Variants in FIG4 observed in about 807,000 individuals in gnomAD.
FIG4 encodes the protein polyphosphoinositide phosphatase.
FIG4 carries 112 observed loss-of-function variants against 118.6 expected under a neutral mutation model. The observed-to-expected ratio is 0.94, with a 90% CI of 0.81 to 1.11. FIG4 has a LOEUF of 1.11. Among genes scored for constraint, FIG4 ranks in the 50% least tolerant of loss-of-function variants. FIG4 has a pLI of 0.00. For synonymous variants in FIG4, 369 were observed against 381.2 expected (o/e 0.97, Z 0.37); for missense variants, 969 against 1,111.7 (o/e 0.87, Z 1.83).
In FIG4 at chr6:109,738,421, T is replaced by C; in HGVS notation, c.743T>C (p.Leu248Ser). ...IKSTVHRDWL[L>S]YIIHGFCGQS... Reference sequence around the variant, plus strand: ...AGTACTGTGCATCGTGACTGGCTTTTGTATATTATTCATGGGTTCTGTGGG... The same window carrying C: ...AGTACTGTGCATCGTGACTGGCTTTCGTATATTATTCATGGGTTCTGTGGG... Residue 248 changes from leucine (L) to serine (S), a missense_variant, in exon 7 of 23, where the codon TTG becomes TCG. Transcript: ENST00000230124. The C allele has an allele frequency of 5.0e-6, 8 of 1,612,956 alleles. No individual in the cohort carries two copies. The highest frequency in any genetic ancestry group is 6.8e-6 in the Non-Finnish European group (8 of 1,179,166).
intron 1 of FIG4, among the ~76,000 whole-genome samples, chr6:109,712,176 C>G (rs911492754): frequency 6.6e-6 from 1 of 152,180 alleles, no homozygotes; most frequent in Non-Finnish European, 1.5e-5. Flanking sequence ...TTCTCTCTAG[C>G]TGCCTTTAAC....
intron 16 of FIG4, among the ~76,000 whole-genome samples, chr6:109,778,879 G>A (rs6568608): frequency 0.18 from 27,956 of 152,164 alleles, 3,523 homozygotes; most frequent in Non-Finnish European, 0.29. Context: ...GATTACAGGC[G>A]TGAGCCACCG....
chr6:109,756,774 C>G (rs1444745880), intron 10 of FIG4, among the ~76,000 whole-genome samples: 1 of 152,212 alleles, frequency 6.6e-6, no homozygotes, highest in Admixed American at 6.5e-5. Context: ...CAAGACTTGG[C>G]TTTCAGCTCC....
At chr6:109,749,137 A>C (rs1265661674) in intron 10 of FIG4, among the ~76,000 whole-genome samples, 1 of 151,372 alleles carries the variant, frequency 6.6e-6, no homozygotes, top group African/African-American at 2.4e-5. Flanking sequence ...ATATGTCCCC[A>C]AACTGGCAGT....
chr6:109,799,492 T>C (rs1049257807), intron 22 of FIG4, among the ~76,000 whole-genome samples: 6 of 152,248 alleles, frequency 3.9e-5, no homozygotes, highest in Non-Finnish European at 8.8e-5. Context: ...AAATTACATT[T>C]ATTTGGGATT....
intron 1 of FIG4, among the ~76,000 whole-genome samples, chr6:109,703,989 C>T (rs756179156): frequency 6.6e-6 from 1 of 152,138 alleles, no homozygotes; most frequent in African/African-American, 2.4e-5. Context: ...GTAGGTTTAA[C>T]CCAGTCCCAT....
intron 1 of FIG4, among the ~76,000 whole-genome samples, chr6:109,707,200 C>G (rs1775095640): frequency 6.6e-6 from 1 of 151,686 alleles, no homozygotes; most frequent in African/African-American, 2.4e-5. Flanking sequence ...TCAGGCTAAC[C>G]CATCATTTTT....
intron 1 of FIG4, among the ~76,000 whole-genome samples, chr6:109,699,494 GTTTGTTTTTTT>G (rs992631254): frequency 8.4e-5 from 12 of 143,516 alleles, no homozygotes; most frequent in African/African-American, 1.3e-4. Flanking sequence ...GTTTTTTTTT[GTTTGTTTTTTT>G]TTTGTTTTTT....
chr6:109,716,411 C>T (rs367607985), intron 2 of FIG4, 34 bp from the exon 3 acceptor site: 63 of 1,610,142 alleles, frequency 3.9e-5, no homozygotes, highest in Non-Finnish European at 5.1e-5. Flanking sequence ...AAAGTTTAAG[C>T]ACAACCTTAC....
At chr6:109,759,355 G>A (rs960665610) in intron 10 of FIG4, among the ~76,000 whole-genome samples, 17 of 151,926 alleles carry the variant, frequency 1.1e-4, no homozygotes, top group African/African-American at 3.6e-4. Context: ...ACCATGGCAT[G>A]TGTATACCTA....
rs200691981 is a variant in FIG4 at position 109,791,455 on chromosome 6, G to C, written c.2260G>C (p.Val754Leu). 1.2e-6 allele frequency: 2 copies of C among 1,613,946 alleles called. No individual in the cohort carries two copies. Among genetic ancestry groups the C allele is most frequent in the African/African-American group, 1.3e-5 (1 of 75,074 alleles). The change falls in exon 20 of 23, where the codon GTG (valine) becomes CTG (leucine). Residue 754 changes from valine to leucine, a missense_variant. Coordinates refer to ENST00000230124, the MANE Select transcript of FIG4 (RefSeq NM_014845.6). ...SAPPPPSEEA[V>L]SSSSEDDSGT... ...CCCGCCGCCCCCCAGCGAGGAGGCT[G>C]TGTCCAGCAGCTCTGAGGATGACTC...
intron 1 of FIG4, among the ~76,000 whole-genome samples, chr6:109,699,464 AT>A (rs1242263712): frequency 1.6e-5 from 2 of 124,830 alleles, no homozygotes; most frequent in Non-Finnish European, 1.7e-5. Flanking sequence ...TCCTAGGCTT[AT>A]TTTTTTTCCT....
intron 10 of FIG4, among the ~76,000 whole-genome samples, chr6:109,752,035 G>A (rs1000098762): frequency 8.0e-6 from 1 of 124,396 alleles, no homozygotes; most frequent in Non-Finnish European, 1.6e-5. Context: ...TCCCCTTCCT[G>A]TGTCCATGTG....
intron 22 of FIG4, among the ~76,000 whole-genome samples, chr6:109,808,496 A>G (rs1026302770): frequency 1.3e-5 from 2 of 152,222 alleles, no homozygotes; most frequent in African/African-American, 4.8e-5. Flanking sequence ...GAAAATATGC[A>G]TAAGGCACTT....
intron 1 of FIG4, among the ~76,000 whole-genome samples, chr6:109,707,331 G>GTA (rs3060804): frequency 0.09 from 12,477 of 138,382 alleles, 880 homozygotes; most frequent in African/African-American, 0.2. Flanking sequence ...ATATGTATAG[G>GTA]TATATATATA....
intron 16 of FIG4, among the ~76,000 whole-genome samples, chr6:109,779,716 T>G (rs1777737892): frequency 6.6e-6 from 1 of 152,228 alleles, no homozygotes; most frequent in African/African-American, 2.4e-5. Context: ...AACTTTCTAG[T>G]GTCACCCACC....
chr6:109,789,677 G>A lies in FIG4; in HGVS notation c.2180G>A (p.Gly727Glu). The part of the protein sequence containing the change: ...KPDETGKSVL[G>E]NKSNREEAVL... ...GATGAAACTGGAAAATCAGTATTGG[G>A]GTAAGATTTGTGTATAGAACGAAAC... Residue 727 changes from glycine to glutamate, a missense_variant and splice_region_variant, in exon 19 of 23, where the codon GGA (glycine) becomes GAA (glutamate). Physicochemically the swap from Gly to Glu is moderately conservative, Grantham distance 98 (BLOSUM62 -2). This residue lies in a region of FIG4 where 330 missense variants were observed against 348.1 expected (regional missense o/e 0.95). Transcript: ENST00000230124. 1 of 1,603,122 alleles carries A rather than the reference G, an allele frequency of 6.2e-7. No homozygotes were observed. Among genetic ancestry groups the A allele is most frequent in the Non-Finnish European group, 8.5e-7 (1 of 1,170,260 alleles).
intron 10 of FIG4, among the ~76,000 whole-genome samples, chr6:109,753,273 G>C (rs1031414797): frequency 2.6e-5 from 4 of 152,072 alleles, no homozygotes; most frequent in Non-Finnish European, 1.5e-5. Context: ...TGTTATTTCT[G>C]AGGGCTCTGT....
intron 10 of FIG4, among the ~76,000 whole-genome samples, chr6:109,745,467 C>T (rs1043264685): frequency 1.3e-5 from 2 of 152,268 alleles, no homozygotes; most frequent in Non-Finnish European, 2.9e-5. Flanking sequence ...TGTTCATATC[C>T]TTCGCCTACT....
Sources: allele counts gnomAD v4.1 joint callset (sites outside exome capture counted in the v4.1 genomes callset), GRCh38; gene constraint gnomAD v4.1.1; regional missense constraint gnomAD v4.1.1; transcripts MANE v1.5; gene names NCBI Gene and HGNC (gene_info 2026-07-23, HGNC 2026-07-21).